MRTFB: variants seen among roughly 807,000 people sequenced by gnomAD.
MRTFB encodes the protein myocardin related transcription factor B.
MRTFB carries 29 observed loss-of-function variants against 104.2 expected under a neutral mutation model. The ratio of observed to expected loss-of-function variants is 0.28; its 90% CI spans 0.21 to 0.38. The LOEUF is 0.38. MRTFB is among the 10% of genes least tolerant of loss of function. The pLI is 1.00. For synonymous variants in MRTFB, 535 were observed against 519.5 expected (o/e 1.03, Z -0.41); for missense variants, 1,270 against 1,341.6 (o/e 0.95, Z 0.83).
At chr16:14,253,735 C>T (rs1435689508) in intron 15 of MRTFB, among the ~76,000 whole-genome samples, 1 of 152,180 alleles carries the variant, frequency 6.6e-6, no homozygotes, top group Non-Finnish European at 1.5e-5. Flanking sequence ...TGGAACCTAC[C>T]ACATGCTGCT....
intron 10 of MRTFB, 78 bp from the exon 11 acceptor site, chr16:14,245,450 A>T: frequency 1.6e-6 from 2 of 1,258,570 alleles, no homozygotes; most frequent in Admixed American, 2.2e-5. Flanking sequence ...TTCATAAGTT[A>T]GTCAAATTGT....
intron 3 of MRTFB, among the ~76,000 whole-genome samples, chr16:14,185,616 A>G (rs1217064092): frequency 6.6e-6 from 1 of 151,890 alleles, no homozygotes; most frequent in Non-Finnish European, 1.5e-5. Context: ...TCACTCAACC[A>G]TGCTACAGAT....
chr16:14,067,113 G>C (rs565709195), upstream of MRTFB, among the ~76,000 whole-genome samples: 2 of 152,114 alleles, frequency 1.3e-5, no homozygotes, highest in Admixed American at 6.5e-5. Context: ...CACATCTTGT[G>C]TCAGGATGGA....
chr16:14,159,146 A>C (rs948761477), intron 3 of MRTFB, among the ~76,000 whole-genome samples: 2 of 152,134 alleles, frequency 1.3e-5, no homozygotes, highest in Non-Finnish European at 2.9e-5. Flanking sequence ...GTTCATGTGG[A>C]TATTCATACA....
intron 2 of MRTFB, among the ~76,000 whole-genome samples, chr16:14,112,243 G>A (rs897072636): frequency 2.0e-5 from 3 of 152,082 alleles, no homozygotes; most frequent in African/African-American, 4.8e-5. Flanking sequence ...TGGGATTAAC[G>A]GATTGTTGGA....
chr16:14,146,343 G>A (rs769149021), intron 3 of MRTFB, among the ~76,000 whole-genome samples: 2 of 152,146 alleles, frequency 1.3e-5, no homozygotes, highest in East Asian at 1.9e-4. Flanking sequence ...GACATTTGCC[G>A]TTCTTATTTT....
intron 2 of MRTFB, among the ~76,000 whole-genome samples, chr16:14,107,992 A>G (rs2036076364): frequency 6.6e-6 from 1 of 152,178 alleles, no homozygotes; most frequent in African/African-American, 2.4e-5. Context: ...TTCTATTCCT[A>G]TCACTGCGTC....
chr16:14,235,212 C>T (rs564388150), intron 9 of MRTFB, among the ~76,000 whole-genome samples: 1 of 152,356 alleles, frequency 6.6e-6, no homozygotes, highest in African/African-American at 2.4e-5. Flanking sequence ...GGGACTGTCC[C>T]TGTCCTTGAC....
chr16:14,200,623 A>C (rs994771375), intron 3 of MRTFB: 3 of 1,582,830 alleles, frequency 1.9e-6, no homozygotes. Context: ...TGGTTGGCCT[A>C]CGTTGGTGGA....
intron 3 of MRTFB, among the ~76,000 whole-genome samples, chr16:14,188,189 C>G (rs764935572): frequency 1.3e-5 from 2 of 152,134 alleles, no homozygotes; most frequent in Non-Finnish European, 2.9e-5. Flanking sequence ...TGCTTGTGCA[C>G]GGCATGTCTT....
rs1378547591 is a variant in MRTFB at position 14,265,152 on chromosome 16, C to T, written c.*3708C>T. 1 of 152,200 alleles carries T rather than the reference C, an allele frequency of 6.6e-6. No homozygotes were observed. Among genetic ancestry groups the T allele is most frequent in the African/African-American group, 2.4e-5 (1 of 41,452 alleles). The allele number at this position is 152,200 out of a possible 1,614,324, so 9.4% of individuals were successfully genotyped here. On this transcript the variant is annotated 3_prime_UTR_variant, in exon 17 of 17. Coordinates refer to ENST00000571589, the MANE Select transcript of MRTFB (RefSeq NM_001308142.2). ...CTGGCTGTCACTCAGGTGGGGAGCT[C>T]ATGGTGCCGCTGGGGACTTTTTAGA... is the stretch of plus-strand genomic sequence containing the variant.
the MRTFB span, among the ~76,000 whole-genome samples, chr16:14,017,707 ATATATTTTTTT>A: frequency 4.2e-4 from 8 of 18,828 alleles, no homozygotes; most frequent in African/African-American, 6.5e-4. Flanking sequence ...ATATATATAT[ATATATTTTTTT>A]TTTTTTTTTT....
At chr16:14,165,939 C>T (rs1474194373) in intron 3 of MRTFB, among the ~76,000 whole-genome samples, 1 of 152,158 alleles carries the variant, frequency 6.6e-6, no homozygotes, top group African/African-American at 2.4e-5. Flanking sequence ...TTACTTGAAA[C>T]GACAAGAGGT....
intron 3 of MRTFB, among the ~76,000 whole-genome samples, chr16:14,146,760 A>C (rs1035304476): frequency 1.3e-5 from 2 of 152,186 alleles, no homozygotes; most frequent in Non-Finnish European, 2.9e-5. Context: ...GCTTACTGTC[A>C]GTCCAAGTAT....
Position 14,081,877 on chromosome 16 carries a change from G to A in MRTFB, c.-64+2523G>A, listed in dbSNP as rs536367283. 2.0e-5 allele frequency among the ~76,000 whole-genome samples: 3 copies of A among 152,244 alleles called. No homozygotes were observed. The South Asian group carries it at 6.2e-4, about 32-fold the overall frequency. ...ATTATAGGTGTGAGCCACCACCTTT[G>A]TCCATTTTTTAATTGGATTTTTTTC... On this transcript the variant is annotated intron_variant, in intron 2 of 16. Transcript: ENST00000571589.
At chr16:14,237,694 G>C (rs1415517644) in intron 9 of MRTFB, among the ~76,000 whole-genome samples, 1 of 152,122 alleles carries the variant, frequency 6.6e-6, no homozygotes, top group African/African-American at 2.4e-5. Flanking sequence ...CAGTTGAGTA[G>C]GGAAGGGCCA....
At chr16:14,074,065 C>T (rs2033892226) in intron 1 of MRTFB, among the ~76,000 whole-genome samples, 1 of 151,656 alleles carries the variant, frequency 6.6e-6, no homozygotes, top group African/African-American at 2.4e-5. Flanking sequence ...GTTTATTTGG[C>T]TTTTTTTTGT....
At chr16:14,108,331 A>C (rs4781572) in intron 2 of MRTFB, among the ~76,000 whole-genome samples, 12,696 of 152,264 alleles carry the variant, frequency 0.083, 1,080 homozygotes, top group African/African-American at 0.21. Context: ...TTTGAATAAG[A>C]TGAACTTCTA....
At position 14,264,249 on chromosome 16, in the gene MRTFB, T is replaced by C. The variant is rs546438852; in HGVS notation, c.*2805T>C. 1.2e-4 allele frequency: 19 copies of C among 152,312 alleles called. No individual in the cohort carries two copies. Among genetic ancestry groups the C allele is most frequent in the African/African-American group, 4.6e-4 (19 of 41,572 alleles). The allele number at this position is 152,312 out of a possible 1,614,324, so 9.4% of individuals were successfully genotyped here. ...ACTCCTAGAAAGGCATTATCTCACA[T>C]CCCCATCTTACTTTCCTACATGTTC... On this transcript the variant is annotated 3_prime_UTR_variant, in exon 17 of 17. Coordinates refer to ENST00000571589, the MANE Select transcript of MRTFB (RefSeq NM_001308142.2).
Sources: allele counts gnomAD v4.1 joint callset (sites outside exome capture counted in the v4.1 genomes callset), GRCh38; gene constraint gnomAD v4.1.1; transcripts MANE v1.5; gene names NCBI Gene and HGNC (gene_info 2026-07-23, HGNC 2026-07-21).